The following CNTNAP3 variants were observed in gnomAD, a reference collection of about 807,000 sequenced individuals.
The protein encoded by CNTNAP3 is contactin associated protein family member 3.
In CNTNAP3, 36 loss-of-function variants were observed where a neutral mutation model predicts 92.1. The ratio of observed to expected loss-of-function variants is 0.39; its 90% CI spans 0.30 to 0.52. The LOEUF (loss-of-function observed/expected upper bound fraction) is 0.52, where lower values mean the gene tolerates loss of function less well. Among genes scored for constraint, CNTNAP3 ranks in the 20% least tolerant of loss-of-function variants. The probability of loss-of-function intolerance (pLI) is 0.76; values close to 1 mark genes in which losing one functional copy is unlikely to be tolerated. For missense variants in CNTNAP3, 534 were observed against 1,069.6 expected (o/e 0.50, Z 6.98); for synonymous variants, 232 against 422.3 (o/e 0.55, Z 5.53).
rs878877322 is a variant in CNTNAP3 at position 39,065,745 on chromosome 9, T to C, written c.*8145A>G. ...CGATATTGAACATTTTTGTGTGCTTTTTGTCCACTGGCCTAGCACTTTTCG... is the reference window on the plus strand; with the variant it reads ...CGATATTGAACATTTTTGTGTGCTTCTTGTCCACTGGCCTAGCACTTTTCG... On this transcript the variant is annotated 3_prime_UTR_variant, in exon 24 of 24. Coordinates refer to ENST00000297668, the MANE Select transcript of CNTNAP3 (RefSeq NM_033655.5). Among the ~76,000 whole-genome samples the C allele has an allele frequency of 0.016, 2,448 of 151,918 alleles. No individual in the cohort carries two copies. The highest frequency in any genetic ancestry group is 0.057 in the African/African-American group (2,334 of 41,160).
rs2118364139 is a variant in CNTNAP3, at chr9:39,285,024, A to C, written c.85+2956T>G. 3.3e-5 allele frequency among the ~76,000 whole-genome samples: 2 copies of C among 60,218 alleles called. 1 individual carries two copies. The highest frequency in any genetic ancestry group is 1.3e-3 in the South Asian group (2 of 1,510). 39.5% of individuals were successfully genotyped at this position (60,218 alleles called of 152,430 possible). A position where few individuals can be genotyped will look rare whatever the true frequency, so the allele number is the denominator to read the frequency against. ...TACACTCTGTGAGATCTCTTTCCTG[A>C]CACATTTCACATCTAAGTGAGTTTC... is the stretch of plus-strand genomic sequence containing the variant. On this transcript the variant is annotated intron_variant, in intron 1 of 23. Coordinates refer to ENST00000297668, the MANE Select transcript of CNTNAP3 (RefSeq NM_033655.5).
chr9:39,159,547 G>A (rs938013515), intron 9 of CNTNAP3: 4 of 133,710 alleles, frequency 3.0e-5, no homozygotes, highest in South Asian at 2.3e-4. Flanking sequence ...AGCCAGGCTC[G>A]TCTTCAACTC....
At position 39,133,008 on chromosome 9, in the gene CNTNAP3, G is replaced by C; in HGVS notation, c.2004C>G (p.Ser668=). 1.3e-6 allele frequency: 2 copies of C among 1,539,738 alleles called. No homozygotes were observed. Among genetic ancestry groups the C allele is most frequent in the Non-Finnish European group, 1.7e-6 (2 of 1,150,492 alleles). ...AYAAGAGQLR[S]AVNLAERCEQ... The stretch of plus-strand genomic sequence containing the variant: ...CGCAGCGCTCCGCCAGGTTCACCGC[G>C]GACCGCAGCTGCCCCGCGCCCGCTG... Residue 668 remains serine (S), a synonymous_variant, in exon 13 of 24, where the codon TCC becomes TCG. Transcript: ENST00000297668.
chr9:39,141,320 G>A (rs1821569695), intron 11 of CNTNAP3, among the ~76,000 whole-genome samples: 2 of 152,082 alleles, frequency 1.3e-5, no homozygotes, highest in African/African-American at 4.8e-5. Context: ...TTTTTCTTAA[G>A]CTATGCGGCA....
intron 13 of CNTNAP3, among the ~76,000 whole-genome samples, chr9:39,131,471 G>T (rs1441884353): frequency 1.3e-5 from 2 of 151,700 alleles, no homozygotes; most frequent in Non-Finnish European, 2.9e-5. Flanking sequence ...GGGGAGAGAG[G>T]GATCACCCTG....
intron 23 of CNTNAP3, among the ~76,000 whole-genome samples, chr9:39,074,311 G>A (rs1185148796): frequency 6.6e-6 from 1 of 151,694 alleles, no homozygotes; most frequent in Non-Finnish European, 1.5e-5. Flanking sequence ...TTACAGGTGT[G>A]AGTTACCGTG....
intron 18 of CNTNAP3, among the ~76,000 whole-genome samples, chr9:39,094,547 T>TCATTTTGAGTTAAAATTGGTTCACA (rs1226828554): frequency 8.0e-5 from 12 of 149,136 alleles, no homozygotes; most frequent in African/African-American, 2.9e-4. Context: ...AGGGTCTAAC[T>TCATTTTGAGTTAAAATTGGTTCACA]TCAATCTTTG....
chr9:39,140,413 C>T, intron 12 of CNTNAP3, 106 bp downstream of exon 12: 1 of 1,464,746 alleles, frequency 6.8e-7, no homozygotes, highest in Non-Finnish European at 9.1e-7. Flanking sequence ...AATGCTTCTA[C>T]TTAGCAAGTA....
Position 39,066,479 on chromosome 9 carries a change from G to T in CNTNAP3, c.*7411C>A, listed in dbSNP as rs955076365. ...GGATCCATGTTTCTATCTGCACAAA[G>T]ATATTATTCTTTATTTTCCTTCTTC... On this transcript the variant is annotated 3_prime_UTR_variant, in exon 24 of 24. Transcript: ENST00000297668. 6.6e-6 allele frequency among the ~76,000 whole-genome samples: 1 copy of T among 152,290 alleles called. No homozygotes were observed. Among genetic ancestry groups the T allele is most frequent in the Non-Finnish European group, 1.5e-5 (1 of 68,026 alleles).
At position 39,086,869 on chromosome 9, in the gene CNTNAP3, G is replaced by T. The variant is rs1306679879; in HGVS notation, c.3221-20C>A. The T allele has an allele frequency of 1.9e-6, 3 of 1,574,304 alleles. No individual in the cohort carries two copies. The Admixed American group carries it at 5.3e-5, about 28-fold the overall frequency. ...AACTTCCTAAAAAGAAAAATAAATGGCATTTAAAATTAAAGTGGTATTTTA... is the reference window on the plus strand; with the variant it reads ...AACTTCCTAAAAAGAAAAATAAATGTCATTTAAAATTAAAGTGGTATTTTA... On this transcript the variant is annotated intron_variant, in intron 19 of 23. Coordinates refer to ENST00000297668, the MANE Select transcript of CNTNAP3 (RefSeq NM_033655.5).
At chr9:39,074,277 C>T (rs2118354217) in intron 23 of CNTNAP3, among the ~76,000 whole-genome samples, 1 of 152,004 alleles carries the variant, frequency 6.6e-6, no homozygotes, top group East Asian at 1.9e-4. Context: ...GATCCTCTCA[C>T]CTTGGTCTCC....
intron 15 of CNTNAP3, chr9:39,106,416 T>C (rs567033580): frequency 6.6e-6 from 1 of 152,254 alleles, no homozygotes; most frequent in Admixed American, 6.5e-5. Flanking sequence ...TAAGCCTTCC[T>C]AGTTGCTAGG....
Position 39,133,148 on chromosome 9 carries a change from G to A in CNTNAP3, c.1877-13C>T. On this transcript the variant is annotated splice_polypyrimidine_tract_variant and intron_variant, in intron 12 of 23. Coordinates refer to ENST00000297668, the MANE Select transcript of CNTNAP3 (RefSeq NM_033655.5). ...CACGCGGCGTCTGCTGAGCAGAAAC[G>A]GGCAAAGGAGAGGCATCACTGGACG... is the stretch of plus-strand genomic sequence containing the variant. 3 of 1,568,100 alleles carry A rather than the reference G, an allele frequency of 1.9e-6. No individual in the cohort carries two copies. In the South Asian group the frequency reaches 3.5e-5, roughly 18 times the overall value.
intron 15 of CNTNAP3, among the ~76,000 whole-genome samples, chr9:39,106,051 G>C (rs1024768295): frequency 2.0e-5 from 3 of 152,148 alleles, no homozygotes; most frequent in African/African-American, 7.2e-5. Flanking sequence ...TCTCCTCACT[G>C]TATTTACATA....
chr9:39,100,173 A>G lies in CNTNAP3; in HGVS notation c.2756-23T>C, dbSNP rs557954194. On this transcript the variant is annotated intron_variant, in intron 17 of 23. Transcript: ENST00000297668. ...CACCTACAACGGAAACACTGCAAATAGAAATGTGTTCCTTGGTATTTTATT... is the reference window on the plus strand; with the variant it reads ...CACCTACAACGGAAACACTGCAAATGGAAATGTGTTCCTTGGTATTTTATT... 2.5e-5 allele frequency: 38 copies of G among 1,538,016 alleles called. No homozygotes were observed. In the South Asian group the frequency reaches 4.0e-4, roughly 16 times the overall value.
intron 9 of CNTNAP3, among the ~76,000 whole-genome samples, chr9:39,151,763 A>G (rs1028823630): frequency 2.0e-5 from 3 of 147,718 alleles, no homozygotes; most frequent in Non-Finnish European, 4.5e-5. Context: ...ATGAAATTAT[A>G]TAGCTTTTAA....
chr9:39,132,543 A>T (rs1279939853), intron 13 of CNTNAP3, among the ~76,000 whole-genome samples: 1 of 152,158 alleles, frequency 6.6e-6, no homozygotes, highest in Admixed American at 6.5e-5. Flanking sequence ...AGGTAGATTT[A>T]GAGGAAGACT....
Position 39,159,244 on chromosome 9 carries a change from G to C in CNTNAP3, c.1477+6689C>G, listed in dbSNP as rs887136598. On this transcript the variant is annotated intron_variant, in intron 9 of 23. Transcript: ENST00000297668. Reference sequence around the variant, plus strand: ...GTGTCCCTATATGGTTCATGATCATGTATGTTACTTCACTCGAAGGCCATA... The same window carrying C: ...GTGTCCCTATATGGTTCATGATCATCTATGTTACTTCACTCGAAGGCCATA... The C allele has an allele frequency of 9.4e-5, 14 of 149,656 alleles. 1 individual carries two copies. Among genetic ancestry groups the C allele is most frequent in the Admixed American group, 7.4e-4 (11 of 14,954 alleles). The allele number at this position is 149,656 out of a possible 1,614,324, so 9.3% of individuals were successfully genotyped here.
chr9:39,075,839 C>G (rs1825747586), intron 23 of CNTNAP3, among the ~76,000 whole-genome samples: 1 of 152,310 alleles, frequency 6.6e-6, no homozygotes, highest in African/African-American at 2.4e-5. Context: ...GGCTGCATGC[C>G]TTAGTAAACT....
Sources: gnomAD v4.1 joint callset for allele counts (sites outside exome capture counted in the v4.1 genomes callset) on GRCh38, gnomAD v4.1.1 for gene constraint, MANE v1.5 for transcripts, NCBI Gene and HGNC (gene_info 2026-07-23, HGNC 2026-07-21) for gene names.